ERICH1: variants seen among roughly 807,000 people sequenced by gnomAD.
ERICH1 encodes glutamate rich 1.
In ERICH1, 56 loss-of-function variants were observed where a neutral mutation model predicts 39.6. The ratio of observed to expected loss-of-function variants is 1.41; its 90% CI spans 1.14 to 1.77. ERICH1 has a LOEUF of 1.77. Among genes scored for constraint, ERICH1 ranks in the 40% most tolerant of loss-of-function variants. The pLI, the probability that ERICH1 is intolerant of heterozygous loss-of-function variation, is 0.00. For missense variants in ERICH1, 826 were observed against 575.4 expected (o/e 1.44, Z -4.45); for synonymous variants, 313 against 223.6 (o/e 1.40, Z -3.57).
chr8:671,613 C>T lies in ERICH1; in HGVS notation c.1063+1676G>A, dbSNP rs559154971. ...CCTCTGAACCCGCTGGCCCCTGCTC[C>T]GACCACTGAGCGCACTGGTCCCCAG... On this transcript the variant is annotated intron_variant, in intron 4 of 5. Coordinates refer to ENST00000262109, the MANE Select transcript of ERICH1 (RefSeq NM_207332.3). Among the ~76,000 whole-genome samples, 4 of 137,074 alleles carry T rather than the reference C, an allele frequency of 2.9e-5. No homozygotes were observed. In the South Asian group the frequency reaches 7.3e-4, roughly 25 times the overall value. 89.9% of individuals were successfully genotyped at this position (137,074 alleles called of 152,430 possible).
intron 3 of ERICH1, among the ~76,000 whole-genome samples, chr8:681,734 A>C (rs994107865): frequency 1.3e-5 from 2 of 152,178 alleles, no homozygotes; most frequent in Non-Finnish European, 2.9e-5. Flanking sequence ...ACCATCTCTT[A>C]AGCAGAAGCC....
Position 673,514 on chromosome 8 carries a change from C to T in ERICH1, c.838G>A (p.Glu280Lys), listed in dbSNP as rs1361153387. The stretch of plus-strand genomic sequence containing the variant: ...TCCTCCCCGGCCCGTGTCAGGTCTT[C>T]CTCAATGGTGTCCACACCGTCCTCC... ...REEDGVDTIEEDLTRAGEEDG... is the reference protein window; with the variant it reads ...REEDGVDTIEKDLTRAGEEDG... The change falls in exon 4 of 6, where the codon GAA becomes AAA. Residue 280 changes from glutamate to lysine, a missense_variant. Coordinates refer to ENST00000262109, the MANE Select transcript of ERICH1 (RefSeq NM_207332.3). 1 of 1,613,268 alleles carries T rather than the reference C, an allele frequency of 6.2e-7. No homozygotes were observed. Among genetic ancestry groups the T allele is most frequent in the Non-Finnish European group, 8.5e-7 (1 of 1,179,770 alleles).
At chr8:623,026 C>T (rs1462965909) in intron 3 of ERICH1, among the ~76,000 whole-genome samples, 1 of 151,750 alleles carries the variant, frequency 6.6e-6, no homozygotes, top group Non-Finnish European at 1.5e-5. Flanking sequence ...CAATACCAAT[C>T]CTACCAAAAA....
intron 2 of ERICH1, among the ~76,000 whole-genome samples, chr8:709,203 T>A (rs1814131456): frequency 6.6e-6 from 1 of 152,220 alleles, no homozygotes; most frequent in African/African-American, 2.4e-5. Context: ...AATTCCCTTT[T>A]AAGCCAGGGC....
At chr8:699,802 C>G (rs113697232) in intron 2 of ERICH1, among the ~76,000 whole-genome samples, 1,403 of 51,668 alleles carry the variant, frequency 0.027, 50 homozygotes, top group East Asian at 0.046. Context: ...GACCCGCACA[C>G]GCGCACAGAT....
intron 1 of ERICH1, among the ~76,000 whole-genome samples, chr8:718,176 A>G (rs900996741): frequency 1.3e-5 from 2 of 151,460 alleles, no homozygotes; most frequent in Non-Finnish European, 2.9e-5. Context: ...CACAACGCAC[A>G]ACACACCAGG....
chr8:627,379 G>GA (rs2117072320), intron 3 of ERICH1: 1 of 363,942 alleles, frequency 2.7e-6, no homozygotes, highest in African/African-American at 2.1e-5. Flanking sequence ...GCACCTCACT[G>GA]AGAGCCTCGA....
intron 2 of ERICH1, among the ~76,000 whole-genome samples, chr8:704,540 C>T (rs921055265): frequency 8.5e-5 from 13 of 152,098 alleles, no homozygotes; most frequent in Admixed American, 7.2e-4. Context: ...TTTCACAAAA[C>T]GGAATAATCG....
intron 3 of ERICH1, among the ~76,000 whole-genome samples, chr8:650,663 G>A (rs1237833806): frequency 6.6e-6 from 1 of 152,190 alleles, no homozygotes; most frequent in East Asian, 1.9e-4. Flanking sequence ...AGAGAAGGAG[G>A]ACATGAGGCG....
intron 3 of ERICH1, among the ~76,000 whole-genome samples, chr8:635,056 G>A (rs758943657): frequency 2.0e-5 from 3 of 151,878 alleles, no homozygotes; most frequent in Non-Finnish European, 4.4e-5. Flanking sequence ...CCAGGCTTTG[G>A]ACACTCAGGG....
intron 1 of ERICH1, among the ~76,000 whole-genome samples, chr8:722,470 T>C (rs1004681694): frequency 2.6e-5 from 4 of 152,200 alleles, no homozygotes; most frequent in Non-Finnish European, 5.9e-5. Flanking sequence ...CACAGCCAAA[T>C]ACCAATAAAA....
chr8:700,181 G>GCGCACAGA (rs1325204829), intron 2 of ERICH1, among the ~76,000 whole-genome samples: 4 of 97,042 alleles, frequency 4.1e-5, no homozygotes, highest in East Asian at 4.4e-4. Flanking sequence ...GCCCGCACAG[G>GCGCACAGA]CCCGCACACG....
At chr8:692,411 C>A (rs1267859935) in intron 3 of ERICH1, 67 bp downstream of exon 3, 9 of 1,608,732 alleles carry the variant, frequency 5.6e-6, no homozygotes, top group Non-Finnish European at 7.6e-6. Context: ...TATTACAATA[C>A]CAGAAAATTG....
chr8:688,658 G>C (rs1467290912), intron 3 of ERICH1, among the ~76,000 whole-genome samples: 1 of 152,316 alleles, frequency 6.6e-6, no homozygotes, highest in South Asian at 2.1e-4. Context: ...GCCATTTTAA[G>C]AATCTAAGAA....
chr8:723,773 T>C (rs1306941020), intron 1 of ERICH1, among the ~76,000 whole-genome samples: 1 of 152,270 alleles, frequency 6.6e-6, no homozygotes, highest in Admixed American at 6.5e-5. Context: ...GCTGAAAATA[T>C]GCTGGCCCAG....
At chr8:697,831 G>A (rs888599584) in intron 2 of ERICH1, among the ~76,000 whole-genome samples, 2 of 152,240 alleles carry the variant, frequency 1.3e-5, no homozygotes, top group Non-Finnish European at 2.9e-5. Flanking sequence ...ACACAGCAGA[G>A]TGCGTGATAG....
At chr8:684,394 G>A (rs560973262) in intron 3 of ERICH1, among the ~76,000 whole-genome samples, 2 of 152,310 alleles carry the variant, frequency 1.3e-5, no homozygotes, top group South Asian at 4.1e-4. Flanking sequence ...AATTTAAATA[G>A]AGTAAATGTA....
At chr8:718,717 G>A (rs1441363732) in intron 1 of ERICH1, among the ~76,000 whole-genome samples, 2 of 152,210 alleles carry the variant, frequency 1.3e-5, no homozygotes, top group Non-Finnish European at 2.9e-5. Context: ...CGTGATCCCA[G>A]CCTCACGACC....
intron 3 of ERICH1, among the ~76,000 whole-genome samples, chr8:652,186 C>T (rs996769261): frequency 3.3e-5 from 5 of 152,272 alleles, no homozygotes; most frequent in South Asian, 2.1e-4. Context: ...CCTGCACCCA[C>T]GTGCCCTCTG....
Sources: allele counts gnomAD v4.1 joint callset (sites outside exome capture counted in the v4.1 genomes callset), GRCh38; gene constraint gnomAD v4.1.1; transcripts MANE v1.5; gene names NCBI Gene and HGNC (gene_info 2026-07-23, HGNC 2026-07-21).